ADGRE5: variants seen among roughly 807,000 people sequenced by gnomAD.
ADGRE5 encodes the protein CD97 molecule.
Under a neutral mutation model 100.3 loss-of-function variants are expected in ADGRE5, and 72 were observed. That is an observed-to-expected ratio of 0.72 (90% CI 0.59 to 0.87). The LOEUF (loss-of-function observed/expected upper bound fraction) is 0.87. ADGRE5 is among the 40% of genes least tolerant of loss of function. ADGRE5 has a pLI of 0.00. For synonymous variants in ADGRE5, 439 were observed against 447.8 expected, an observed-to-expected ratio of 0.98 and a Z score of 0.25; for missense variants, 959 against 1,094.7, an observed-to-expected ratio of 0.88 and a Z score of 1.75.
intron 13 of ADGRE5, chr19:14,404,979 G>A (rs1292614141): frequency 5.3e-6 from 1 of 189,718 alleles, no homozygotes; most frequent in Non-Finnish European, 1.1e-5. Context: ...GAGTAGCCGA[G>A]ATTACAGGCG....
At position 14,406,003 on chromosome 19, in the gene ADGRE5, C is replaced by T; in HGVS notation, c.1821+64C>T. 4 of 1,413,644 alleles carry T rather than the reference C, an allele frequency of 2.8e-6. No individual in the cohort carries two copies. Among genetic ancestry groups the T allele is most frequent in the Admixed American group, 2.2e-5 (1 of 45,908 alleles). The allele number at this position is 1,413,644 out of a possible 1,614,324, so 87.6% of individuals were successfully genotyped here. ...AGGGAGGCCTGGGAGGGGTTAGCCC[C>T]GCCCACTCCCGGGGCTCAGTCGGGT... is the stretch of plus-strand genomic sequence containing the variant. On this transcript the variant is annotated intron_variant, in intron 14 of 19. Coordinates refer to ENST00000242786, the MANE Select transcript of ADGRE5 (RefSeq NM_078481.4). The surrounding 1 kb of genome is among the most constrained non-coding windows in gnomAD (Gnocchi z 6.0).
intron 13 of ADGRE5, 151 bp downstream of exon 13, chr19:14,404,713 A>G: frequency 1.5e-6 from 1 of 683,532 alleles, no homozygotes. Context: ...CACCCTTCGC[A>G]GCCTCTTCCT....
rs886616298 is a variant in ADGRE5 at position 14,396,127 on chromosome 19, G to A, written c.347-215G>A. On this transcript the variant is annotated intron_variant, in intron 4 of 19. Transcript: ENST00000242786. ...CAGCTTGGAGCTGCCCAGGAAGGCA[G>A]AGGAGAAGGGGAGGACTTGGCTGCT... The A allele has an allele frequency of 3.7e-5, 27 of 730,404 alleles. 1 individual carries two copies. The East Asian group carries it at 7.8e-4, about 21-fold the overall frequency. The allele number at this position is 730,404 out of a possible 1,614,324, so 45.2% of individuals were successfully genotyped here.
chr19:14,399,797 T>G (rs1159395978), intron 9 of ADGRE5, among the ~76,000 whole-genome samples: 1 of 151,968 alleles, frequency 6.6e-6, no homozygotes, highest in Non-Finnish European at 1.5e-5. Context: ...AAAAATGATG[T>G]GAGCCACTTA....
Position 14,406,339 on chromosome 19 carries a change from G to T in ADGRE5, c.1830G>T (p.Leu610=), listed in dbSNP as rs1184451040. The part of the protein sequence containing the change: ...GIENEGGQVG[L]RCRLVAGLLH... The stretch of plus-strand genomic sequence containing the variant: ...CCGTCCCCGCCCCGCAGGTGGGGCT[G>T]CGCTGCCGCCTGGTGGCCGGGCTGC... Residue 610 remains leucine, a synonymous_variant, in exon 15 of 20, where the codon CTG becomes CTT. Transcript: ENST00000242786. The surrounding 1 kb of genome is among the most constrained non-coding windows in gnomAD (Gnocchi z 6.0). 1.9e-6 allele frequency: 3 copies of T among 1,566,088 alleles called. No individual in the cohort carries two copies. Among genetic ancestry groups the T allele is most frequent in the South Asian group, 2.3e-5 (2 of 85,688 alleles).
chr19:14,387,252 G>C (rs1255101020), intron 1 of ADGRE5, among the ~76,000 whole-genome samples: 4 of 151,898 alleles, frequency 2.6e-5, no homozygotes, highest in Non-Finnish European at 4.4e-5. Flanking sequence ...ACACACCCCA[G>C]GTCAGAAGAG....
In ADGRE5 at chr19:14,402,794, C is replaced by G; in HGVS notation, c.1381C>G (p.Pro461Ala). The G allele has an allele frequency of 6.2e-7, 1 of 1,614,102 alleles. No homozygotes were observed. The highest frequency in any genetic ancestry group is 8.5e-7 in the Non-Finnish European group (1 of 1,180,020). Residue 461 changes from proline (P) to alanine (A), a missense_variant, in exon 12 of 20, where the codon CCC becomes GCC. Transcript: ENST00000242786. ...CAACAACACCAAGGAACTCAACTCC[C>G]CCATCCTTTTCGCCTTCTCCCACCT... The part of the protein sequence containing the change: ...SHNNTKELNS[P>A]ILFAFSHLES...
chr19:14,408,134 C>G lies in ADGRE5; in HGVS notation c.*13C>G. 1.9e-6 allele frequency: 3 copies of G among 1,612,454 alleles called. No individual in the cohort carries two copies. The highest frequency in any genetic ancestry group is 2.5e-6 in the Non-Finnish European group (3 of 1,179,850). ...GTCCGGCATATGAAGGCGCATGGTTCTGGACGGCCCAGCAGCTCCTGTGGC... is the reference window on the plus strand; with the variant it reads ...GTCCGGCATATGAAGGCGCATGGTTGTGGACGGCCCAGCAGCTCCTGTGGC... On this transcript the variant is annotated 3_prime_UTR_variant, in exon 20 of 20. Coordinates refer to ENST00000242786, the MANE Select transcript of ADGRE5 (RefSeq NM_078481.4).
intron 1 of ADGRE5, chr19:14,386,412 C>CG (rs1243843222): frequency 6.9e-6 from 1 of 145,542 alleles, no homozygotes; most frequent in African/African-American, 2.7e-5. Flanking sequence ...AAAGAGAGGC[C>CG]GGGCGCGGTG....
chr19:14,399,177 G>A (rs936360695), intron 9 of ADGRE5, among the ~76,000 whole-genome samples: 2 of 151,840 alleles, frequency 1.3e-5, no homozygotes, highest in Non-Finnish European at 2.9e-5. Context: ...AGGCATGAAA[G>A]TAATGCCTCC....
rs1237478125 is a variant in ADGRE5 at position 14,406,335 on chromosome 19, G to C, written c.1826G>C (p.Gly609Ala). The change falls in exon 15 of 20, where the codon GGG becomes GCG. Residue 609 changes from glycine (G) to alanine (A), a missense_variant. Physicochemically the swap from Gly to Ala is moderately conservative, Grantham distance 60. This residue lies in a region of ADGRE5 where 428 missense variants were observed against 386.2 expected (regional missense o/e 1.11). Transcript: ENST00000242786. This position sits in a 1 kb window ranked among gnomAD's most constrained non-coding sequence, Gnocchi z 6.0. The stretch of plus-strand genomic sequence containing the variant: ...CCCTCCGTCCCCGCCCCGCAGGTGG[G>C]GCTGCGCTGCCGCCTGGTGGCCGGG... ...AGIENEGGQV[G>A]LRCRLVAGLL... The C allele has an allele frequency of 3.2e-6, 5 of 1,563,072 alleles. No individual in the cohort carries two copies. Among genetic ancestry groups the C allele is most frequent in the Non-Finnish European group, 4.3e-6 (5 of 1,157,190 alleles).
At position 14,401,850 on chromosome 19, in the gene ADGRE5, A is replaced by C; in HGVS notation, c.1183+90A>C. 1 of 881,270 alleles carries C rather than the reference A, an allele frequency of 1.1e-6. No individual in the cohort carries two copies. Among genetic ancestry groups the C allele is most frequent in the East Asian group, 2.8e-5 (1 of 35,606 alleles). The allele number at this position is 881,270 out of a possible 1,614,324, so 54.6% of individuals were successfully genotyped here. ...GGTGAGGTTCAGAATAGAACAACTG[A>C]CTGGGCGCGGTGGCTCACGCCTGCA... On this transcript the variant is annotated intron_variant, in intron 11 of 19. Coordinates refer to ENST00000242786, the MANE Select transcript of ADGRE5 (RefSeq NM_078481.4). This position sits in a 1 kb window ranked among gnomAD's most constrained non-coding sequence, Gnocchi z 4.1.
Position 14,405,887 on chromosome 19 carries a change from T to A in ADGRE5, c.1769T>A (p.Leu590His), listed in dbSNP as rs780435216. ...TTIHLHLCIC[L>H]FVGSTIFLAG... is the part of the protein sequence containing the mutation. Reference sequence around the variant, plus strand: ...ATACACCTGCACCTCTGCATCTGCCTCTTCGTGGGCTCCACCATCTTCCTG... The same window carrying A: ...ATACACCTGCACCTCTGCATCTGCCACTTCGTGGGCTCCACCATCTTCCTG... Residue 590 changes from leucine to histidine, a missense_variant, in exon 14 of 20, where the codon CTC becomes CAC. Transcript: ENST00000242786. 1 of 1,611,900 alleles carries A rather than the reference T, an allele frequency of 6.2e-7. No homozygotes were observed. Among genetic ancestry groups the A allele is most frequent in the African/African-American group, 1.3e-5 (1 of 74,948 alleles).
chr19:14,401,585 C>G lies in ADGRE5; in HGVS notation c.1075+22C>G, dbSNP rs1200558278. The G allele has an allele frequency of 6.2e-7, 1 of 1,611,434 alleles. No homozygotes were observed. The highest frequency in any genetic ancestry group is 8.5e-7 in the Non-Finnish European group (1 of 1,178,164). Reference sequence around the variant, plus strand: ...ACAGGTGAGGCCTTGGCCTGGCCTGCCCTGCCCCAACCCTGGGCCCCACCT... The same window carrying G: ...ACAGGTGAGGCCTTGGCCTGGCCTGGCCTGCCCCAACCCTGGGCCCCACCT... On this transcript the variant is annotated intron_variant, in intron 10 of 19. Transcript: ENST00000242786. The surrounding 1 kb of genome is among the most constrained non-coding windows in gnomAD (Gnocchi z 4.1).
intron 1 of ADGRE5, among the ~76,000 whole-genome samples, chr19:14,384,819 A>G (rs1184285071): frequency 6.9e-6 from 1 of 145,458 alleles, no homozygotes; most frequent in Non-Finnish European, 1.5e-5. Flanking sequence ...GTCTGTCTCT[A>G]TCTCTCCGTG....
Position 14,402,587 on chromosome 19 carries a change from T to C in ADGRE5, c.1184-10T>C. 1 of 1,613,918 alleles carries C rather than the reference T, an allele frequency of 6.2e-7. No homozygotes were observed. Among genetic ancestry groups the C allele is most frequent in the South Asian group, 1.1e-5 (1 of 91,068 alleles). Reference sequence around the variant, plus strand: ...AACGGGAGTAGGCAGCGAGTGTGTCTGTTCCCCAGGCCCCGCCGTGGCGGG... The same window carrying C: ...AACGGGAGTAGGCAGCGAGTGTGTCCGTTCCCCAGGCCCCGCCGTGGCGGG... On this transcript the variant is annotated splice_polypyrimidine_tract_variant and intron_variant, in intron 11 of 19. Coordinates refer to ENST00000242786, the MANE Select transcript of ADGRE5 (RefSeq NM_078481.4).
intron 4 of ADGRE5, chr19:14,391,312 T>G: frequency 1.7e-6 from 1 of 580,968 alleles, no homozygotes; most frequent in Middle Eastern, 4.5e-4. Context: ...ACCAAGTGTA[T>G]GACGTTGGCC....
In ADGRE5 at chr19:14,391,072, C is replaced by G. The variant is rs1219686221; in HGVS notation, c.339C>G (p.Thr113=). 6.2e-6 allele frequency: 10 copies of G among 1,614,094 alleles called. No individual in the cohort carries two copies. The highest frequency in any genetic ancestry group is 1.3e-5 in the African/African-American group (1 of 74,942). Residue 113 remains threonine, a synonymous_variant, in exon 4 of 20, where the codon ACC becomes ACG. Transcript: ENST00000242786. ...AKTFKNESEN[T]CQDVDECQQN... ...CATTCAAGAATGAGAGCGAGAACAC[C>G]TGTCAAGGTAAGAACCACCCCACGT...
In ADGRE5 at chr19:14,401,332, A is replaced by C; in HGVS notation, c.898-54A>C. 1 of 1,539,364 alleles carries C rather than the reference A, an allele frequency of 6.5e-7. No individual in the cohort carries two copies. Among genetic ancestry groups the C allele is most frequent in the Non-Finnish European group, 8.9e-7 (1 of 1,129,854 alleles). On this transcript the variant is annotated intron_variant, in intron 9 of 19. Coordinates refer to ENST00000242786, the MANE Select transcript of ADGRE5 (RefSeq NM_078481.4). The surrounding 1 kb of genome is among the most constrained non-coding windows in gnomAD (Gnocchi z 4.1). ...GTAGGGGGTGACATCCAGGTCCTTC[A>C]GGCAACCCCTGTGGTCTGATGCTCC...
Sources: gnomAD v4.1 joint callset for allele counts (sites outside exome capture counted in the v4.1 genomes callset) on GRCh38, gnomAD v4.1.1 for gene constraint, gnomAD v4.1.1 regional missense constraint, Gnocchi (gnomAD v3.1) non-coding constraint, MANE v1.5 for transcripts, NCBI Gene and HGNC (gene_info 2026-07-23, HGNC 2026-07-21) for gene names.